The following ADAMTS18 variants were observed in gnomAD, a reference collection of about 807,000 sequenced individuals.
ADAMTS18 encodes A disintegrin and metalloproteinase with thrombospondin motifs 18.
Under a neutral mutation model 165.9 loss-of-function variants are expected in ADAMTS18, and 157 were observed. That is an observed-to-expected ratio of 0.95 (90% CI 0.83 to 1.08). The LOEUF is 1.08. ADAMTS18 is among the 50% of genes least tolerant of loss of function. The probability of loss-of-function intolerance (pLI) is 0.00; values close to 1 mark genes in which losing one functional copy is unlikely to be tolerated. For synonymous variants in ADAMTS18, 782 were observed against 578.2 expected (o/e 1.35, Z -5.06); for missense variants, 2,040 against 1,534.0 (o/e 1.33, Z -5.51).
chr16:77,333,032 C>T (rs898240348), intron 12 of ADAMTS18, among the ~76,000 whole-genome samples: 2 of 152,094 alleles, frequency 1.3e-5, no homozygotes, highest in Admixed American at 6.6e-5. Flanking sequence ...CAAGGTTTGC[C>T]GGCCAAACTT....
At position 77,295,118 on chromosome 16, in the gene ADAMTS18, T is replaced by C; in HGVS notation, c.2811A>G (p.Pro937=). Residue 937 remains proline (P), a synonymous_variant, in exon 19 of 23, where the codon CCA becomes CCG. Coordinates refer to ENST00000282849, the MANE Select transcript of ADAMTS18 (RefSeq NM_199355.4). ...CCTTGCTGCATGTACTCCATTCACC[T>C]GGCATCCAGCTTTCAGTGCAAAACA... ...NAFSCPAYWM[P]GEWSTCSKAC... is the part of the protein sequence containing the mutation. 3.1e-6 allele frequency: 5 copies of C among 1,614,172 alleles called. No individual in the cohort carries two copies. The highest frequency in any genetic ancestry group is 4.2e-6 in the Non-Finnish European group (5 of 1,180,006).
At chr16:77,432,897 A>G (rs923210352) in intron 2 of ADAMTS18, among the ~76,000 whole-genome samples, 1 of 152,120 alleles carries the variant, frequency 6.6e-6, no homozygotes, top group African/African-American at 2.4e-5. Flanking sequence ...CTGTTTATGA[A>G]CCATCTGTGA....
chr16:77,406,567 T>C (rs551534080), intron 3 of ADAMTS18, among the ~76,000 whole-genome samples: 5 of 152,222 alleles, frequency 3.3e-5, no homozygotes, highest in Admixed American at 2.0e-4. Flanking sequence ...GGAAACATGA[T>C]TGTATATTAA....
At chr16:77,345,629 C>T (rs1360857040) in intron 10 of ADAMTS18, among the ~76,000 whole-genome samples, 1 of 152,206 alleles carries the variant, frequency 6.6e-6, no homozygotes, top group Non-Finnish European at 1.5e-5. Flanking sequence ...ATGATAGTTA[C>T]TTTCTACATG....
intron 3 of ADAMTS18, among the ~76,000 whole-genome samples, chr16:77,371,554 G>C (rs1312295944): frequency 6.6e-6 from 1 of 152,076 alleles, no homozygotes; most frequent in Non-Finnish European, 1.5e-5. Flanking sequence ...AACAAATAAT[G>C]CTGGAAAAAC....
chr16:77,360,549 T>C (rs2056697480), intron 7 of ADAMTS18, among the ~76,000 whole-genome samples: 1 of 149,324 alleles, frequency 6.7e-6, no homozygotes, highest in South Asian at 2.2e-4. Context: ...GGATAACAGA[T>C]AACACTGTCT....
chr16:77,410,117 C>T (rs1484285913), intron 3 of ADAMTS18, among the ~76,000 whole-genome samples: 1 of 152,174 alleles, frequency 6.6e-6, no homozygotes, highest in East Asian at 1.9e-4. Flanking sequence ...TATAACATGG[C>T]TCAGTGCACA....
At chr16:77,303,008 C>G (rs2055614444) in intron 16 of ADAMTS18, among the ~76,000 whole-genome samples, 1 of 152,202 alleles carries the variant, frequency 6.6e-6, no homozygotes, top group Non-Finnish European at 1.5e-5. Flanking sequence ...ATGCAACCAA[C>G]AAGAAGGGAA....
At position 77,353,905 on chromosome 16, in the gene ADAMTS18, C is replaced by T; in HGVS notation, c.1461-19G>A. ...AGGTGTGCTGTAATGACAATACATG[C>T]TTATTAATTACTCTGTTGATCTGTG... is the stretch of plus-strand genomic sequence containing the variant. On this transcript the variant is annotated intron_variant, in intron 9 of 22. Coordinates refer to ENST00000282849, the MANE Select transcript of ADAMTS18 (RefSeq NM_199355.4). 6.2e-7 allele frequency: 1 copy of T among 1,614,010 alleles called. No homozygotes were observed. The highest frequency in any genetic ancestry group is 8.5e-7 in the Non-Finnish European group (1 of 1,179,940).
At chr16:77,384,761 T>A (rs560872359) in intron 3 of ADAMTS18, among the ~76,000 whole-genome samples, 11 of 152,172 alleles carry the variant, frequency 7.2e-5, no homozygotes, top group African/African-American at 2.4e-4. Context: ...GAAACGTATA[T>A]AGTAAGCTAC....
At chr16:77,348,375 C>T (rs151111015) in intron 10 of ADAMTS18, among the ~76,000 whole-genome samples, 1 of 152,202 alleles carries the variant, frequency 6.6e-6, no homozygotes, top group Non-Finnish European at 1.5e-5. Context: ...CCAACTATCC[C>T]TTCACACTTG....
At chr16:77,334,922 T>G (rs1358780113) in intron 12 of ADAMTS18, among the ~76,000 whole-genome samples, 2 of 138,934 alleles carry the variant, frequency 1.4e-5, no homozygotes, top group South Asian at 2.1e-4. Context: ...TTATAGTATA[T>G]AGTATATATA....
In ADAMTS18 at chr16:77,335,728, A is replaced by G. The variant is rs374931251; in HGVS notation, c.1859+28T>C. 5.0e-6 allele frequency: 8 copies of G among 1,614,072 alleles called. No individual in the cohort carries two copies. In the African/African-American group the frequency reaches 8.0e-5, roughly 16 times the overall value. ...TACAGGCTGAAGGTTAAGGCCTTGC[A>G]AAGACTAACTTTCTGCTGGAGGCTT... On this transcript the variant is annotated intron_variant, in intron 12 of 22. Coordinates refer to ENST00000282849, the MANE Select transcript of ADAMTS18 (RefSeq NM_199355.4).
At chr16:77,402,600 T>G (rs974882474) in intron 3 of ADAMTS18, among the ~76,000 whole-genome samples, 2 of 152,230 alleles carry the variant, frequency 1.3e-5, no homozygotes, top group African/African-American at 4.8e-5. Flanking sequence ...AGAATGTAAA[T>G]AACTTTTAAA....
At chr16:77,382,866 C>T (rs2057051747) in intron 3 of ADAMTS18, among the ~76,000 whole-genome samples, 1 of 152,178 alleles carries the variant, frequency 6.6e-6, no homozygotes, top group Non-Finnish European at 1.5e-5. Flanking sequence ...GCTAATAACA[C>T]TCCTCTTCAC....
At chr16:77,379,311 T>C (rs771190500) in intron 3 of ADAMTS18, among the ~76,000 whole-genome samples, 1 of 152,068 alleles carries the variant, frequency 6.6e-6, no homozygotes, top group Non-Finnish European at 1.5e-5. Context: ...GCAGCAACAA[T>C]CTCTTTTTGG....
chr16:77,378,007 T>C (rs796313739), intron 3 of ADAMTS18, among the ~76,000 whole-genome samples: 3 of 152,144 alleles, frequency 2.0e-5, no homozygotes, highest in African/African-American at 4.8e-5. Context: ...AGGAAAACCA[T>C]TGGTAAAAGG....
chr16:77,297,335 G>C lies in ADAMTS18; in HGVS notation c.2755C>G (p.Pro919Ala). Residue 919 changes from proline (P) to alanine (A), a missense_variant, in exon 18 of 23, where the codon CCA becomes GCA. Pro to Ala is a conservative substitution (Grantham distance 27). Coordinates refer to ENST00000282849, the MANE Select transcript of ADAMTS18 (RefSeq NM_199355.4). ...NSSFCSAKTK[P>A]VTEPKICNAF... ...TTGCAGATTTTGGGCTCAGTTACTG[G>C]CTTGGTTTTTGCACTGCAGAATGAG... The C allele has an allele frequency of 3.1e-6, 5 of 1,614,112 alleles. No homozygotes were observed. The highest frequency in any genetic ancestry group is 4.2e-6 in the Non-Finnish European group (5 of 1,180,000).
chr16:77,317,286 T>C (rs1428888624), intron 16 of ADAMTS18, among the ~76,000 whole-genome samples: 2 of 152,208 alleles, frequency 1.3e-5, no homozygotes, highest in African/African-American at 4.8e-5. Context: ...TTACTGTCAA[T>C]GTGAAACTCA....
Sources: allele counts gnomAD v4.1 joint callset (sites outside exome capture counted in the v4.1 genomes callset), GRCh38; gene constraint gnomAD v4.1.1; transcripts MANE v1.5; gene names NCBI Gene and HGNC (gene_info 2026-07-23, HGNC 2026-07-21).